The following OTOG variants were observed in gnomAD, a reference collection of about 807,000 sequenced individuals.
OTOG encodes the protein otogelin.
A neutral mutation model predicts 313.8 loss-of-function variants in OTOG; 296 were observed. The ratio of observed to expected loss-of-function variants is 0.94; its 90% CI spans 0.86 to 1.04. The LOEUF is 1.04. Ranked by LOEUF, OTOG falls within the 50% of genes least tolerant of loss-of-function variation. The pLI, the probability that OTOG is intolerant of heterozygous loss-of-function variation, is 0.00. For missense variants in OTOG, 3,948 were observed against 3,840.1 expected, an observed-to-expected ratio of 1.03 and a Z score of -0.74; for synonymous variants, 1,533 against 1,554.9, an observed-to-expected ratio of 0.99 and a Z score of 0.33.
rs1852477791 is a variant in OTOG, at chr11:17,574,656, C to T, written c.2294-64C>T. 7.7e-6 allele frequency: 11 copies of T among 1,432,860 alleles called. No individual in the cohort carries two copies. In the East Asian group the frequency reaches 1.0e-4, roughly 14 times the overall value. 88.8% of individuals were successfully genotyped at this position (1,432,860 alleles called of 1,614,324 possible). On this transcript the variant is annotated intron_variant, in intron 19 of 55. Transcript: ENST00000399397. ...TCCATTCTCCTCATCAGAATGACAGCCCCACTCCACATAACTGTGGGGATG... is the reference window on the plus strand; with the variant it reads ...TCCATTCTCCTCATCAGAATGACAGTCCCACTCCACATAACTGTGGGGATG...
intron 32 of OTOG, among the ~76,000 whole-genome samples, chr11:17,603,401 T>C (rs1196074301): frequency 6.6e-6 from 1 of 152,146 alleles, no homozygotes; most frequent in Non-Finnish European, 1.5e-5. Context: ...CTGTTCTCCA[T>C]CCAGTATTTT....
intron 22 of OTOG, 61 bp downstream of exon 22, chr11:17,576,972 G>A: frequency 2.0e-6 from 3 of 1,502,792 alleles, no homozygotes; most frequent in Non-Finnish European, 2.7e-6. Context: ...GGAGAGTGGG[G>A]AGTGGAGCAC....
At position 17,632,164 on chromosome 11, in the gene OTOG, T is replaced by C; in HGVS notation, c.7010T>C (p.Val2337Ala). Residue 2337 changes from valine (V) to alanine (A), a missense_variant, in exon 42 of 56, where the codon GTG (valine) becomes GCG (alanine). Coordinates refer to ENST00000399397, the MANE Select transcript of OTOG (RefSeq NM_001292063.2). ...CAGCAGCCCTGCGTGGCCCTGACTG[T>C]GTACGTGGCCATGTGCCACAAATTT... ...YVQQPCVALT[V>A]YVAMCHKFHV... The C allele has an allele frequency of 6.4e-7, 1 of 1,551,122 alleles. No individual in the cohort carries two copies.
chr11:17,581,012 GA>G (rs1052284869), intron 23 of OTOG, among the ~76,000 whole-genome samples: 2 of 152,224 alleles, frequency 1.3e-5, no homozygotes. Flanking sequence ...AGTAGTTTTT[GA>G]AGAAGGAACG....
rs2133703696 is a variant in OTOG, at chr11:17,631,731, C to A, written c.6742C>A (p.Leu2248Ile). The change falls in exon 41 of 56, where the codon CTT becomes ATT. Residue 2248 changes from leucine to isoleucine, a missense_variant. Leu to Ile is a conservative substitution (Grantham distance 5). Transcript: ENST00000399397. The part of the protein sequence containing the change: ...GICDGDAAND[L>I]TLKDGSVVGG... ...CTGTGATGGAGATGCAGCCAATGAC[C>A]TTACCCTGAAGGATGGCTCAGTGGT... 1 of 1,550,604 alleles carries A rather than the reference C, an allele frequency of 6.4e-7. No homozygotes were observed. The highest frequency in any genetic ancestry group is 1.2e-5 in the South Asian group (1 of 84,056).
Position 17,547,305 on chromosome 11 carries a change from C to A in OTOG, c.-68C>A. 1.6e-6 allele frequency: 2 copies of A among 1,262,012 alleles called. No homozygotes were observed. The highest frequency in any genetic ancestry group is 3.1e-5 in the East Asian group (1 of 32,052). 78.2% of individuals were successfully genotyped at this position (1,262,012 alleles called of 1,614,324 possible). A position where few individuals can be genotyped will look rare whatever the true frequency, so the allele number is the denominator to read the frequency against. On this transcript the variant is annotated 5_prime_UTR_variant, in exon 1 of 56. Coordinates refer to ENST00000399397, the MANE Select transcript of OTOG (RefSeq NM_001292063.2). ...GCTGCGGAGTGGAGGTGTGACCCTG[C>A]CTTAGCCCGGGGAGGCACCTCGGGA...
chr11:17,643,549 G>A (rs977193773), intron 54 of OTOG, 43 bp downstream of exon 54: 4 of 1,319,230 alleles, frequency 3.0e-6, no homozygotes, highest in South Asian at 3.6e-5. Flanking sequence ...GGGCTCTGAT[G>A]GGGGCACAGG....
chr11:17,559,427 A>C, intron 11 of OTOG, 107 bp from the exon 12 acceptor site: 1 of 1,434,988 alleles, frequency 7.0e-7, no homozygotes, highest in Non-Finnish European at 9.4e-7. Flanking sequence ...GAAATCATGA[A>C]AATCAAAGCC....
In OTOG at chr11:17,618,740, G is replaced by A. The variant is rs376770743; in HGVS notation, c.6528+5039G>A. 1.2e-4 allele frequency among the ~76,000 whole-genome samples: 19 copies of A among 152,206 alleles called. 1 individual carries two copies. Among genetic ancestry groups the A allele is most frequent in the Middle Eastern group, 3.4e-3 (1 of 294 alleles). On this transcript the variant is annotated intron_variant, in intron 39 of 55. Coordinates refer to ENST00000399397, the MANE Select transcript of OTOG (RefSeq NM_001292063.2). Reference sequence around the variant, plus strand: ...TATATTGAAATTCTGTTATTTAGGTGCATAACATGCAGGATTGTTATGTCC... The same window carrying A: ...TATATTGAAATTCTGTTATTTAGGTACATAACATGCAGGATTGTTATGTCC...
At chr11:17,579,933 A>C (rs1852628329) in intron 23 of OTOG, among the ~76,000 whole-genome samples, 1 of 152,224 alleles carries the variant, frequency 6.6e-6, no homozygotes, top group Non-Finnish European at 1.5e-5. Flanking sequence ...CACATGCCTC[A>C]GGGGCTTGTC....
At chr11:17,577,011 G>C (rs986799197) in intron 22 of OTOG, 100 bp downstream of exon 22, 2 of 1,268,266 alleles carry the variant, frequency 1.6e-6, no homozygotes, top group Non-Finnish European at 2.2e-6. Flanking sequence ...CCCACTCCAG[G>C]TTTTGCCCTA....
At position 17,609,077 on chromosome 11, in the gene OTOG, G is replaced by C. The variant is rs1323010631; in HGVS notation, c.4275-53G>C. 2.1e-6 allele frequency: 3 copies of C among 1,403,808 alleles called. No homozygotes were observed. In the East Asian group the frequency reaches 7.5e-5, roughly 35 times the overall value. 87.0% of individuals were successfully genotyped at this position (1,403,808 alleles called of 1,614,324 possible). Reference sequence around the variant, plus strand: ...CCTGTGCTCAATCGAGAGAAAAAGAGATGGCCCTGCCTGTATTTCAGGCCT... The same window carrying C: ...CCTGTGCTCAATCGAGAGAAAAAGACATGGCCCTGCCTGTATTTCAGGCCT... On this transcript the variant is annotated intron_variant, in intron 34 of 55. Transcript: ENST00000399397.
At position 17,602,183 on chromosome 11, in the gene OTOG, G is replaced by C. The variant is rs1005705767; in HGVS notation, c.3710-27G>C. The C allele has an allele frequency of 5.2e-6, 8 of 1,548,286 alleles. 1 individual carries two copies. In the Middle Eastern group the frequency reaches 1.0e-3, roughly 193 times the overall value. ...GGAGGTGGGCAGGCCATGGGGCCAG[G>C]TTGCTGATGGGGCCTCTTCTCTCCA... On this transcript the variant is annotated intron_variant, in intron 31 of 55. Transcript: ENST00000399397.
intron 23 of OTOG, among the ~76,000 whole-genome samples, chr11:17,579,637 C>T (rs1365620128): frequency 1.3e-5 from 2 of 152,232 alleles, no homozygotes; most frequent in Admixed American, 1.3e-4. Context: ...GGCCTGACCA[C>T]CTGCTGCCAC....
In OTOG at chr11:17,612,734, T is replaced by C. The variant is rs1853593337; in HGVS notation, c.6407T>C (p.Val2136Ala). The change falls in exon 38 of 56, where the codon GTC becomes GCC. Residue 2136 changes from valine (V) to alanine (A), a missense_variant. Coordinates refer to ENST00000399397, the MANE Select transcript of OTOG (RefSeq NM_001292063.2). Reference protein sequence around the residue: ...LSQSPDEMLTVHVLDCKSANL... With the variant: ...LSQSPDEMLTAHVLDCKSANL... The stretch of plus-strand genomic sequence containing the variant: ...CAGAGCCCAGATGAAATGCTCACCG[T>C]CCATGTACTGGACTGCAAAAGTGCC... 6.4e-7 allele frequency: 1 copy of C among 1,550,572 alleles called. No individual in the cohort carries two copies. Among genetic ancestry groups the C allele is most frequent in the Non-Finnish European group, 8.7e-7 (1 of 1,146,974 alleles).
At chr11:17,639,523 T>A in intron 49 of OTOG, 60 bp downstream of exon 49, 1 of 1,494,786 alleles carries the variant, frequency 6.7e-7, no homozygotes, top group Non-Finnish European at 9.1e-7. Context: ...TTCCTCTCTA[T>A]CCCCTCCTCT....
intron 23 of OTOG, among the ~76,000 whole-genome samples, chr11:17,582,509 G>A (rs1448471799): frequency 6.6e-6 from 1 of 152,224 alleles, no homozygotes; most frequent in Non-Finnish European, 1.5e-5. Context: ...GAATTGCTGG[G>A]TCCTAGGGTA....
rs142579799 is a variant in OTOG at position 17,605,275 on chromosome 11, G to T, written c.3878-582G>T. Reference sequence around the variant, plus strand: ...GACCAGAGAGAGAGGACAGAGACAAGCTTTGGGTCTCTGGGCAAGCTCCTT... The same window carrying T: ...GACCAGAGAGAGAGGACAGAGACAATCTTTGGGTCTCTGGGCAAGCTCCTT... On this transcript the variant is annotated intron_variant, in intron 32 of 55. Coordinates refer to ENST00000399397, the MANE Select transcript of OTOG (RefSeq NM_001292063.2). Among the ~76,000 whole-genome samples the T allele has an allele frequency of 2.5e-3, 386 of 152,334 alleles. 1 individual carries two copies. Among genetic ancestry groups the T allele is most frequent in the African/African-American group, 8.7e-3 (362 of 41,578 alleles).
rs1298351413 is a variant in OTOG at position 17,634,102 on chromosome 11, T to C, written c.7301T>C (p.Leu2434Pro). The C allele has an allele frequency of 1.9e-6, 3 of 1,548,014 alleles. No individual in the cohort carries two copies. The highest frequency in any genetic ancestry group is 2.6e-6 in the Non-Finnish European group (3 of 1,146,916). Residue 2434 changes from leucine to proline, a missense_variant, in exon 44 of 56, where the codon CTG (leucine) becomes CCG (proline). Leu to Pro is a moderately conservative substitution (Grantham distance 98). Transcript: ENST00000399397. ...GACAGCATGGGGGTGCCGAGGGCCC[T>C]GGGGGAGACCTGGAACAGCTCCCTC... ...CTDSMGVPRA[L>P]GETWNSSLSG...
Sources: allele counts gnomAD v4.1 joint callset (sites outside exome capture counted in the v4.1 genomes callset), GRCh38; gene constraint gnomAD v4.1.1; transcripts MANE v1.5; gene names NCBI Gene and HGNC (gene_info 2026-07-23, HGNC 2026-07-21).